SPATA6: variants seen among roughly 807,000 people sequenced by gnomAD.
SPATA6 encodes spermatogenesis associated 6.
SPATA6 carries 56 observed loss-of-function variants against 65.3 expected under a neutral mutation model. The ratio of observed to expected loss-of-function variants is 0.86; its 90% CI spans 0.69 to 1.07. The LOEUF (loss-of-function observed/expected upper bound fraction) is 1.07. Ranked by LOEUF, SPATA6 falls within the 50% of genes least tolerant of loss-of-function variation. The probability of loss-of-function intolerance (pLI) is 0.00; values close to 1 mark genes in which losing one functional copy is unlikely to be tolerated. For missense variants in SPATA6, 590 were observed against 594.8 expected (o/e 0.99, Z 0.08); for synonymous variants, 199 against 213.2 (o/e 0.93, Z 0.58).
chr1:48,289,033 C>G, the SPATA6 span, among the ~76,000 whole-genome samples: 1 of 152,196 alleles, frequency 6.6e-6, no homozygotes, highest in African/African-American at 2.4e-5. Context: ...ATCTGAGAAC[C>G]AACAGACTGC....
intron 3 of SPATA6, among the ~76,000 whole-genome samples, chr1:48,443,486 TCAGA>T (rs1655714106): frequency 1.3e-5 from 2 of 152,290 alleles, no homozygotes; most frequent in East Asian, 3.9e-4. Context: ...AAAGGATTTC[TCAGA>T]CAGTTTGCAA....
intron 11 of SPATA6, among the ~76,000 whole-genome samples, chr1:48,336,938 C>A (rs748935871): frequency 3.3e-5 from 5 of 151,796 alleles, no homozygotes; most frequent in Non-Finnish European, 7.4e-5. Context: ...GAAATTATAT[C>A]CATTACTGAA....
At chr1:48,401,755 TA>T (rs142917151) in intron 6 of SPATA6, among the ~76,000 whole-genome samples, 1,582 of 152,220 alleles carry the variant, frequency 0.01, 30 homozygotes, top group African/African-American at 0.037. Flanking sequence ...CATTCATCCC[TA>T]GCCAACCATT....
At chr1:48,344,302 C>T (rs913569708) in intron 11 of SPATA6, 2 of 151,992 alleles carry the variant, frequency 1.3e-5, no homozygotes, top group Non-Finnish European at 2.9e-5. Flanking sequence ...ATTTACGAAG[C>T]ATTCTATATT....
At chr1:48,433,005 C>T (rs1207164892) in intron 3 of SPATA6, among the ~76,000 whole-genome samples, 1 of 152,102 alleles carries the variant, frequency 6.6e-6, no homozygotes, top group African/African-American at 2.4e-5. Flanking sequence ...AAACATTACG[C>T]TATGTAAAAT....
chr1:48,462,839 GT>G (rs2148190964), intron 1 of SPATA6, among the ~76,000 whole-genome samples: 1 of 152,288 alleles, frequency 6.6e-6, no homozygotes, highest in African/African-American at 2.4e-5. Context: ...ATTTCTTGGT[GT>G]GTCTGTGAGG....
intron 1 of SPATA6, among the ~76,000 whole-genome samples, chr1:48,457,836 T>C (rs1228171934): frequency 2.0e-5 from 3 of 152,102 alleles, no homozygotes; most frequent in South Asian, 2.1e-4. Context: ...AATGAAACTA[T>C]ATAAATATAA....
chr1:48,275,435 A>T, the SPATA6 span, among the ~76,000 whole-genome samples: 1 of 152,094 alleles, frequency 6.6e-6, no homozygotes, highest in Admixed American at 6.6e-5. Context: ...AAAGGGAATG[A>T]TTCCAGCTTT....
At chr1:48,369,053 G>A (rs1031012824) in intron 9 of SPATA6, among the ~76,000 whole-genome samples, 5 of 152,192 alleles carry the variant, frequency 3.3e-5, no homozygotes, top group African/African-American at 1.2e-4. Context: ...GTTTGCTAGA[G>A]GTCCACTCCA....
At chr1:48,316,806 A>T (rs1570083478) in intron 11 of SPATA6, among the ~76,000 whole-genome samples, 2 of 152,240 alleles carry the variant, frequency 1.3e-5, no homozygotes, top group South Asian at 4.1e-4. Context: ...TAATATCTAG[A>T]ATCTGCAATG....
intron 9 of SPATA6, among the ~76,000 whole-genome samples, chr1:48,363,817 A>C (rs1043211879): frequency 2.6e-5 from 4 of 151,034 alleles, no homozygotes; most frequent in East Asian, 1.9e-4. Context: ...TATTATTATT[A>C]TACTTTAAGT....
intron 11 of SPATA6, among the ~76,000 whole-genome samples, chr1:48,323,482 G>A (rs545515379): frequency 1.3e-5 from 2 of 151,970 alleles, no homozygotes; most frequent in African/African-American, 4.8e-5. Flanking sequence ...ATGAGTTGAT[G>A]GGTGCAGCAA....
At chr1:48,353,040 G>T (rs2148799166) in intron 11 of SPATA6, among the ~76,000 whole-genome samples, 1 of 151,636 alleles carries the variant, frequency 6.6e-6, no homozygotes. Context: ...AAGCATTAAA[G>T]AGAGTTCTTC....
chr1:48,411,973 TCTC>T (rs1230591693), intron 4 of SPATA6, among the ~76,000 whole-genome samples: 1 of 151,980 alleles, frequency 6.6e-6, no homozygotes, highest in Admixed American at 6.6e-5. Flanking sequence ...TTCAAGTGAT[TCTC>T]CTCCTGCAGC....
chr1:48,417,376 G>A (rs1045401033), intron 3 of SPATA6, among the ~76,000 whole-genome samples: 3 of 152,028 alleles, frequency 2.0e-5, no homozygotes, highest in African/African-American at 2.4e-5. Flanking sequence ...CTTAGACTGC[G>A]ACACAGAAAA....
At chr1:48,273,129 C>G in the SPATA6 span, among the ~76,000 whole-genome samples, 1 of 152,056 alleles carries the variant, frequency 6.6e-6, no homozygotes, top group South Asian at 2.1e-4. Flanking sequence ...AGCCTCAACT[C>G]TTTATTTTTG....
At chr1:48,453,384 G>C (rs1656750998) in intron 1 of SPATA6, among the ~76,000 whole-genome samples, 1 of 152,168 alleles carries the variant, frequency 6.6e-6, no homozygotes, top group South Asian at 2.1e-4. Flanking sequence ...CTATGTACTA[G>C]CTCTTGGGAC....
intron 11 of SPATA6, among the ~76,000 whole-genome samples, chr1:48,313,661 A>G (rs1645300549): frequency 2.0e-5 from 3 of 152,204 alleles, no homozygotes; most frequent in Admixed American, 2.0e-4. Context: ...ACCAGATAAC[A>G]TCATAATGAC....
chr1:48,279,860 C>A, the SPATA6 span, among the ~76,000 whole-genome samples: 214 of 152,302 alleles, frequency 1.4e-3, no homozygotes, highest in African/African-American at 4.8e-3. Flanking sequence ...ACTCTCCACC[C>A]CAAATCAACA....
Sources: gnomAD v4.1 joint callset for allele counts (sites outside exome capture counted in the v4.1 genomes callset) on GRCh38, gnomAD v4.1.1 for gene constraint, MANE v1.5 for transcripts, NCBI Gene and HGNC (gene_info 2026-07-23, HGNC 2026-07-21) for gene names.